The following SHMT1 variants were observed in gnomAD, a reference collection of about 807,000 sequenced individuals.
SHMT1 encodes serine hydroxymethyltransferase 1.
SHMT1 carries 45 observed loss-of-function variants against 49.0 expected under a neutral mutation model. The ratio of observed to expected loss-of-function variants is 0.92; its 90% CI spans 0.72 to 1.18. The LOEUF is 1.18. Ranked by LOEUF, SHMT1 falls within the 50% of genes most tolerant of loss-of-function variation. The pLI is 0.00. For synonymous variants in SHMT1, 232 were observed against 246.6 expected (o/e 0.94, Z 0.55); for missense variants, 541 against 612.4 (o/e 0.88, Z 1.23).
At chr17:18,352,655 C>A (rs1985840277) in intron 3 of SHMT1, among the ~76,000 whole-genome samples, 1 of 151,748 alleles carries the variant, frequency 6.6e-6, no homozygotes, top group Admixed American at 6.6e-5. Flanking sequence ...GGGTGAAACT[C>A]TGTCTCTACA....
At chr17:18,348,247 G>T (rs755099064) in intron 4 of SHMT1, 78 bp downstream of exon 4, 2 of 949,462 alleles carry the variant, frequency 2.1e-6, no homozygotes, top group Non-Finnish European at 3.4e-6. Context: ...GTCCATCTTA[G>T]GACTCTTCTT....
Position 18,356,004 on chromosome 17 carries a change from A to C in SHMT1, c.-19-4T>G, listed in dbSNP as rs758473475. 5 of 1,398,866 alleles carry C rather than the reference A, an allele frequency of 3.6e-6. No homozygotes were observed. Among genetic ancestry groups the C allele is most frequent in the Non-Finnish European group, 4.1e-6 (4 of 986,184 alleles). The allele number at this position is 1,398,866 out of a possible 1,614,324, so 86.7% of individuals were successfully genotyped here. A position where few individuals can be genotyped will look rare whatever the true frequency, so the allele number is the denominator to read the frequency against. On this transcript the variant is annotated splice_region_variant and splice_polypyrimidine_tract_variant and intron_variant, in intron 1 of 11. Coordinates refer to ENST00000316694, the MANE Select transcript of SHMT1 (RefSeq NM_004169.5). ...CATTGCACTGGTTCGAAGCTGCCTA[A>C]AAAAATGGGAAAAACATGTGTAGCT...
Position 18,338,054 on chromosome 17 carries a change from C to A in SHMT1, c.814+1989G>T, listed in dbSNP as rs577944740. On this transcript the variant is annotated intron_variant, in intron 7 of 11. Transcript: ENST00000316694. ...GCTCATCATCTGGGATGTGAGGAGC[C>A]CCTCTGCCTGGCTGCCCAGTCTGGG... Among the ~76,000 whole-genome samples, 6 of 150,380 alleles carry A rather than the reference C, an allele frequency of 4.0e-5. No individual in the cohort carries two copies. In the South Asian group the frequency reaches 1.3e-3, roughly 32 times the overall value.
chr17:18,350,930 G>A (rs555470387), intron 3 of SHMT1, among the ~76,000 whole-genome samples: 21 of 151,584 alleles, frequency 1.4e-4, no homozygotes, highest in Non-Finnish European at 2.1e-4. Flanking sequence ...ACAGGGTTTC[G>A]ACATGTTGGC....
chr17:18,336,483 T>C (rs1247837474), intron 7 of SHMT1, among the ~76,000 whole-genome samples: 2 of 150,642 alleles, frequency 1.3e-5, no homozygotes, highest in African/African-American at 4.9e-5. Context: ...TGGGTCAACA[T>C]AGTGAAACCC....
chr17:18,329,387 A>G lies in SHMT1; in HGVS notation c.1173T>C (p.Gly391=). 1 of 1,610,778 alleles carries G rather than the reference A, an allele frequency of 6.2e-7. No homozygotes were observed. Among genetic ancestry groups the G allele is most frequent in the Non-Finnish European group, 8.5e-7 (1 of 1,178,704 alleles). The change falls in exon 11 of 12, where the codon GGT becomes GGC. Residue 391 remains glycine (G), a splice_region_variant and synonymous_variant. Coordinates refer to ENST00000316694, the MANE Select transcript of SHMT1 (RefSeq NM_004169.5). ...CACTGGGCCGCAGAGCGCTTCTGTC[A>G]CCTACAAGATAAACGGGGCTCTGTC... ...SIACNKNTCP[G]DRSALRPSGL... is the part of the protein sequence containing the mutation.
chr17:18,351,901 T>C (rs949161069), intron 3 of SHMT1, among the ~76,000 whole-genome samples: 33 of 152,218 alleles, frequency 2.2e-4, no homozygotes, highest in African/African-American at 5.1e-4. Context: ...CTGGAGTGCA[T>C]TGGCAAAATC....
At chr17:18,357,279 CAAAAAAAAAAAAAAAAA>C (rs10560620) in intron 1 of SHMT1, among the ~76,000 whole-genome samples, 1 of 89,512 alleles carries the variant, frequency 1.1e-5, no homozygotes, top group East Asian at 3.1e-4. Flanking sequence ...GACTCCACCT[CAAAAAAAAAAAAAAAAA>C]AAAAAAAAAA....
chr17:18,353,603 T>G (rs1228452277), intron 3 of SHMT1, 69 bp downstream of exon 3: 7 of 1,522,566 alleles, frequency 4.6e-6, no homozygotes, highest in Non-Finnish European at 6.4e-6. Context: ...CCAAATTGTT[T>G]AGGTCCTAGG....
In SHMT1 at chr17:18,340,266, A is replaced by C. The variant is rs1567778267; in HGVS notation, c.602-11T>G. On this transcript the variant is annotated splice_polypyrimidine_tract_variant and intron_variant, in intron 6 of 11. Transcript: ENST00000316694. The surrounding 1 kb of genome is among the most constrained non-coding windows in gnomAD (Gnocchi z 4.5). ...AGTAGCAGCTGGTTCCTGAGACAGG[A>C]AAGGTGACACAGCTGCATCAGAGAT... The C allele has an allele frequency of 6.2e-7, 1 of 1,613,828 alleles. No individual in the cohort carries two copies. The highest frequency in any genetic ancestry group is 1.1e-5 in the South Asian group (1 of 91,084).
At chr17:18,331,845 G>C (rs1983245007) in intron 9 of SHMT1, 1 of 152,228 alleles carries the variant, frequency 6.6e-6, no homozygotes, top group African/African-American at 2.4e-5. Flanking sequence ...ATGGCATCGG[G>C]GGATGGTTTT....
chr17:18,338,417 G>A (rs1186744857), intron 7 of SHMT1, among the ~76,000 whole-genome samples: 1 of 149,116 alleles, frequency 6.7e-6, no homozygotes, highest in African/African-American at 2.5e-5. Flanking sequence ...GGCAGCCCCC[G>A]CCTGGCCGTC....
At chr17:18,343,349 C>T (rs1276577066) in intron 5 of SHMT1, among the ~76,000 whole-genome samples, 1 of 152,104 alleles carries the variant, frequency 6.6e-6, no homozygotes, top group Non-Finnish European at 1.5e-5. Flanking sequence ...TGGCTCACAT[C>T]TGTAATCTCA....
At position 18,353,772 on chromosome 17, in the gene SHMT1, A is replaced by G; in HGVS notation, c.142T>C (p.Leu48=). 1.2e-6 allele frequency: 2 copies of G among 1,614,104 alleles called. No homozygotes were observed. The highest frequency in any genetic ancestry group is 1.7e-6 in the Non-Finnish European group (2 of 1,179,978). The part of the protein sequence containing the change: ...KKESNRQRVG[L]ELIASENFAS... ...AAATTCTCCGAGGCAATCAGCTCCA[A>G]TCCAACCCTCTGCCGGTTACTCTCC... is the stretch of plus-strand genomic sequence containing the variant. The change falls in exon 3 of 12, where the codon TTG becomes CTG. Residue 48 remains leucine (L), a synonymous_variant. Coordinates refer to ENST00000316694, the MANE Select transcript of SHMT1 (RefSeq NM_004169.5).
chr17:18,361,624 A>T (rs1986784222), intron 1 of SHMT1, among the ~76,000 whole-genome samples: 3 of 151,920 alleles, frequency 2.0e-5, no homozygotes, highest in Admixed American at 2.0e-4. Context: ...CGTCTCTACA[A>T]AAATAAAAAA....
chr17:18,358,207 T>C (rs1350206998), intron 1 of SHMT1, among the ~76,000 whole-genome samples: 1 of 148,764 alleles, frequency 6.7e-6, no homozygotes, highest in Admixed American at 6.7e-5. Flanking sequence ...AGTGAAATAT[T>C]GTGGCTGGGC....
Position 18,347,590 on chromosome 17 carries a change from T to C in SHMT1, c.425A>G (p.Asp142Gly). The part of the protein sequence containing the change: ...VEPHGRIMGL[D>G]LPDGGHLTHG... ...GGTCAGGTGGCCCCCATCCGGAAGG[T>C]CCAGGCCCATGATGCGCCCATGGGG... The change falls in exon 5 of 12, where the codon GAC becomes GGC. Residue 142 changes from aspartate (D) to glycine (G), a missense_variant. Asp to Gly is a moderately conservative substitution (Grantham distance 94). Transcript: ENST00000316694. 1 of 1,614,172 alleles carries C rather than the reference T, an allele frequency of 6.2e-7. No homozygotes were observed. Among genetic ancestry groups the C allele is most frequent in the East Asian group, 2.2e-5 (1 of 44,892 alleles).
Position 18,329,374 on chromosome 17 carries a change from G to A in SHMT1, c.1186C>T (p.Leu396=), listed in dbSNP as rs778033192. 6.2e-7 allele frequency: 1 copy of A among 1,612,430 alleles called. No individual in the cohort carries two copies. Among genetic ancestry groups the A allele is most frequent in the Non-Finnish European group, 8.5e-7 (1 of 1,179,828 alleles). ...KNTCPGDRSA[L]RPSGLRLGTP... is the part of the protein sequence containing the mutation. ...CCCAGCCGCAGTCCACTGGGCCGCAGAGCGCTTCTGTCACCTACAAGATAA... is the reference window on the plus strand; with the variant it reads ...CCCAGCCGCAGTCCACTGGGCCGCAAAGCGCTTCTGTCACCTACAAGATAA... The change falls in exon 11 of 12, where the codon CTG becomes TTG. Residue 396 remains leucine, a synonymous_variant. Transcript: ENST00000316694.
In SHMT1 at chr17:18,329,311, C is replaced by T; in HGVS notation, c.1249G>A (p.Asp417Asn). 2.5e-6 allele frequency: 4 copies of T among 1,613,258 alleles called. No homozygotes were observed. Among genetic ancestry groups the T allele is most frequent in the Non-Finnish European group, 2.5e-6 (3 of 1,179,848 alleles). Residue 417 changes from aspartate (D) to asparagine (N), a missense_variant, in exon 11 of 12, where the codon GAC (aspartate) becomes AAC (asparagine). Physicochemically the swap from Asp to Asn is conservative, Grantham distance 23. Transcript: ENST00000316694. ...ALTSRGLLEK[D>N]FQKVAHFIHR... ...ATAAAGTGGGCTACTTTTTGGAAGT[C>T]TTTTTCCAAAAGTCCACGGGACGTC...
Sources: allele counts gnomAD v4.1 joint callset (sites outside exome capture counted in the v4.1 genomes callset), GRCh38; gene constraint gnomAD v4.1.1; non-coding constraint Gnocchi (gnomAD v3.1); transcripts MANE v1.5; gene names NCBI Gene and HGNC (gene_info 2026-07-23, HGNC 2026-07-21).